Variants in TEF observed in about 807,000 individuals in gnomAD.
The protein encoded by TEF is thyrotroph embryonic factor.
In TEF, 3 loss-of-function variants were observed where a neutral mutation model predicts 20.8. The observed-to-expected ratio is 0.14, with a 90% CI of 0.07 to 0.37. The LOEUF is 0.37. TEF is among the 10% of genes least tolerant of loss of function. TEF has a pLI of 1.00. For synonymous variants in TEF, 180 were observed against 171.1 expected (o/e 1.05, Z -0.41); for missense variants, 296 against 397.9 (o/e 0.74, Z 2.18).
upstream of TEF, chr22:41,381,926 G>C: frequency 3.3e-6 from 4 of 1,226,202 alleles, no homozygotes; most frequent in Non-Finnish European, 4.1e-6. Context: ...AGGCGGGGGC[G>C]CCATTGGGCG....
At chr22:41,393,628 G>A (rs1204409666) in intron 2 of TEF, among the ~76,000 whole-genome samples, 1 of 151,518 alleles carries the variant, frequency 6.6e-6, no homozygotes, top group Non-Finnish European at 1.5e-5. Context: ...TTGGTGGCGG[G>A]CACCTGCGGT....
intron 2 of TEF, among the ~76,000 whole-genome samples, chr22:41,393,388 G>C (rs751658513): frequency 1.3e-5 from 2 of 151,064 alleles, no homozygotes; most frequent in Non-Finnish European, 2.9e-5. Flanking sequence ...TTCAGTCTGT[G>C]TCTGCCTGGA....
intron 2 of TEF, among the ~76,000 whole-genome samples, chr22:41,388,042 G>A (rs1331590524): frequency 8.1e-6 from 1 of 122,766 alleles, no homozygotes; most frequent in Non-Finnish European, 1.6e-5. Flanking sequence ...CTGTTGCCCA[G>A]GCTGGAGTGC....
chr22:41,373,900 A>G (rs965049811), intron 1 of TEF, among the ~76,000 whole-genome samples: 3 of 151,048 alleles, frequency 2.0e-5, no homozygotes, highest in Non-Finnish European at 4.4e-5. Flanking sequence ...AGTAGCTGAG[A>G]CTACAGGCGC....
At chr22:41,378,122 C>T (rs1393820494), upstream of TEF, among the ~76,000 whole-genome samples, 3 of 150,494 alleles carry the variant, frequency 2.0e-5, no homozygotes, top group Non-Finnish European at 4.4e-5. Flanking sequence ...CAAGTCTCCT[C>T]ATGGCCAAAC....
At position 41,399,050 on chromosome 22, in the gene TEF, C is replaced by G. The variant is rs1379217413; in HGVS notation, c.*3090C>G. ...CAGAACACCACTTGGTTTTATTTTT[C>G]TAAGTGCATGTGATGTGATAGAGTG... On this transcript the variant is annotated 3_prime_UTR_variant, in exon 4 of 4. Coordinates refer to ENST00000266304, the MANE Select transcript of TEF (RefSeq NM_003216.4). 1 of 152,650 alleles carries G rather than the reference C, an allele frequency of 6.6e-6. No homozygotes were observed. Among genetic ancestry groups the G allele is most frequent in the Non-Finnish European group, 1.5e-5 (1 of 68,044 alleles). 9.5% of individuals were successfully genotyped at this position (152,650 alleles called of 1,614,324 possible).
At chr22:41,376,272 T>C (rs1351930044) in intron 1 of TEF, among the ~76,000 whole-genome samples, 1 of 152,236 alleles carries the variant, frequency 6.6e-6, no homozygotes, top group Non-Finnish European at 1.5e-5. Context: ...AGTCTCGCTT[T>C]GTGGCCCAGG....
intron 1 of TEF, among the ~76,000 whole-genome samples, chr22:41,368,163 G>A (rs1301639598): frequency 4.6e-5 from 7 of 152,250 alleles, no homozygotes; most frequent in Middle Eastern, 3.4e-3. Flanking sequence ...AGAGGAGGGC[G>A]TGGACTGAGG....
Position 41,382,072 on chromosome 22 carries a change from C to T in TEF, c.28C>T (p.Pro10Ser), listed in dbSNP as rs1194864641. 5.4e-5 allele frequency: 66 copies of T among 1,231,526 alleles called. No homozygotes were observed. Among genetic ancestry groups the T allele is most frequent in the Admixed American group, 4.6e-4 (11 of 23,676 alleles). 76.3% of individuals were successfully genotyped at this position (1,231,526 alleles called of 1,614,324 possible). The change falls in exon 1 of 4, where the codon CCG becomes TCG. Residue 10 changes from proline (P) to serine (S), a missense_variant. By Grantham distance (74) the Pro-to-Ser change is moderately conservative. This residue lies in a region of TEF where 102 missense variants were observed against 80.1 expected (regional missense o/e 1.27). Coordinates refer to ENST00000266304, the MANE Select transcript of TEF (RefSeq NM_003216.4). MSDAGGGKKPPVDPQAGPGP... is the reference protein window; with the variant it reads MSDAGGGKKSPVDPQAGPGP... ...GTCCGACGCGGGCGGCGGAAAGAAG[C>T]CGCCTGTGGACCCGCAGGCAGGACC...
At chr22:41,393,244 G>A (rs1459824937) in intron 2 of TEF, among the ~76,000 whole-genome samples, 2 of 151,630 alleles carry the variant, frequency 1.3e-5, no homozygotes, top group Admixed American at 1.3e-4. Flanking sequence ...AGGAGGCTGA[G>A]GCAAGAGGAT....
upstream of TEF, among the ~76,000 whole-genome samples, chr22:41,381,261 C>T (rs1443757229): frequency 6.6e-6 from 1 of 152,250 alleles, no homozygotes; most frequent in Non-Finnish European, 1.5e-5. Context: ...GCCCCGCGAC[C>T]CTGGGCAGAG....
chr22:41,380,709 G>C (rs2037006578), upstream of TEF, among the ~76,000 whole-genome samples: 2 of 152,288 alleles, frequency 1.3e-5, no homozygotes, highest in East Asian at 3.8e-4. Context: ...ACAAAGTTCT[G>C]AGCGCTGTTT....
chr22:41,370,373 G>C (rs182877246), intron 1 of TEF, among the ~76,000 whole-genome samples: 2 of 146,560 alleles, frequency 1.4e-5, no homozygotes, highest in African/African-American at 2.5e-5. Flanking sequence ...TCAGCCTCCC[G>C]AAGTGCTGGG....
intron 2 of TEF, among the ~76,000 whole-genome samples, chr22:41,393,394 C>T (rs2037189891): frequency 6.6e-6 from 1 of 151,158 alleles, no homozygotes; most frequent in South Asian, 2.1e-4. Context: ...CTGTGTCTGC[C>T]TGGAGAGACA....
intron 1 of TEF, among the ~76,000 whole-genome samples, chr22:41,372,502 C>T (rs896987549): frequency 3.9e-5 from 6 of 152,170 alleles, no homozygotes; most frequent in Admixed American, 6.5e-5. Flanking sequence ...ATAAGGACAT[C>T]GACGCTCAGA....
intron 1 of TEF, among the ~76,000 whole-genome samples, chr22:41,373,685 G>A (rs1439076019): frequency 6.6e-6 from 1 of 151,196 alleles, no homozygotes; most frequent in Non-Finnish European, 1.5e-5. Flanking sequence ...GGCCAGGCTG[G>A]TCTTGAACTC....
chr22:41,382,209 C>CGGGGGGGTGGTCCGCGCGGGCT lies in TEF; in HGVS notation c.157+14_157+35dup, dbSNP rs2037037752. On this transcript the variant is annotated intron_variant, in intron 1 of 3. Coordinates refer to ENST00000266304, the MANE Select transcript of TEF (RefSeq NM_003216.4). The stretch of plus-strand genomic sequence containing the variant: ...CGCGCGAGGCGCGCCTCGGTGAGGG[C>CGGGGGGGTGGTCCGCGCGGGCT]GGGGGGGTGGTCCGCGCGGGCTGGG... 1 of 832,768 alleles carries CGGGGGGGTGGTCCGCGCGGGCT rather than the reference C, an allele frequency of 1.2e-6. No homozygotes were observed. Among genetic ancestry groups the CGGGGGGGTGGTCCGCGCGGGCT allele is most frequent in the Non-Finnish European group, 1.4e-6 (1 of 723,240 alleles). The allele number at this position is 832,768 out of a possible 1,614,324, so 51.6% of individuals were successfully genotyped here.
At chr22:41,368,565 C>T (rs548701736) in intron 1 of TEF, among the ~76,000 whole-genome samples, 1 of 152,292 alleles carries the variant, frequency 6.6e-6, no homozygotes, top group Non-Finnish European at 1.5e-5. Flanking sequence ...CCCCCGGCCT[C>T]CCTTCACCCC....
chr22:41,393,988 G>A (rs900377030), intron 2 of TEF, 108 bp from the exon 3 acceptor site: 10 of 940,004 alleles, frequency 1.1e-5, no homozygotes, highest in Non-Finnish European at 1.6e-5. Context: ...CTCCCCAGGC[G>A]GCAGTGGCTT....
Sources: allele counts gnomAD v4.1 joint callset (sites outside exome capture counted in the v4.1 genomes callset), GRCh38; gene constraint gnomAD v4.1.1; regional missense constraint gnomAD v4.1.1; transcripts MANE v1.5; gene names NCBI Gene and HGNC (gene_info 2026-07-23, HGNC 2026-07-21).